MSTO1: variants seen among roughly 807,000 people sequenced by gnomAD.
MSTO1 encodes protein misato homolog 1.
MSTO1 carries 24 observed loss-of-function variants against 55.7 expected under a neutral mutation model. The ratio of observed to expected loss-of-function variants is 0.43; its 90% confidence interval spans 0.31 to 0.61. The LOEUF (loss-of-function observed/expected upper bound fraction) is 0.61. Ranked by LOEUF, MSTO1 falls within the 20% of genes least tolerant of loss-of-function variation. The pLI, the probability that MSTO1 is intolerant of heterozygous loss-of-function variation, is 0.09. For missense variants in MSTO1, 363 were observed against 625.7 expected, an observed-to-expected ratio of 0.58 and a Z score of 4.48; for synonymous variants, 162 against 252.8, an observed-to-expected ratio of 0.64 and a Z score of 3.41.
chr1:155,598,869 T>G, the MSTO1 span: 1 of 1,453,954 alleles, frequency 6.9e-7, no homozygotes, highest in Non-Finnish European at 9.6e-7. Flanking sequence ...GCCATGTTAT[T>G]CATTTCTGTG....
chr1:155,587,017 G>A, the MSTO1 span, among the ~76,000 whole-genome samples: 2 of 152,152 alleles, frequency 1.3e-5, no homozygotes, highest in Non-Finnish European at 2.9e-5. Context: ...CAAAGTGCTG[G>A]GATTACAAGC....
At chr1:155,590,718 G>A in the MSTO1 span, 80 of 1,574,210 alleles carry the variant, frequency 5.1e-5, no homozygotes, top group South Asian at 7.9e-4. Context: ...GGCAAGTGCA[G>A]CACAGCAGCC....
the MSTO1 span, among the ~76,000 whole-genome samples, chr1:155,567,843 T>C: frequency 6.7e-6 from 1 of 149,380 alleles, no homozygotes; most frequent in Non-Finnish European, 1.5e-5. Flanking sequence ...GAGACCAGCC[T>C]GGCCAACATG....
At chr1:155,583,409 G>A in the MSTO1 span, among the ~76,000 whole-genome samples, 4 of 151,730 alleles carry the variant, frequency 2.6e-5, no homozygotes, top group African/African-American at 7.3e-5. Context: ...GTGGTTGCAC[G>A]TGCCTGTAGT....
chr1:155,594,055 T>G, the MSTO1 span, among the ~76,000 whole-genome samples: 25 of 151,996 alleles, frequency 1.6e-4, no homozygotes, highest in African/African-American at 5.5e-4. Context: ...CTGGCAAATT[T>G]TCACTGAGGA....
the MSTO1 span, among the ~76,000 whole-genome samples, chr1:155,592,474 A>G: frequency 6.6e-6 from 1 of 152,104 alleles, no homozygotes. Flanking sequence ...ATATTTGGAT[A>G]TTTCCCAAGC....
chr1:155,609,125 C>T (rs976515890), upstream of MSTO1, among the ~76,000 whole-genome samples: 3 of 150,748 alleles, frequency 2.0e-5, no homozygotes, highest in African/African-American at 7.3e-5. Context: ...CCGCACCCGG[C>T]CCTTGCCTTG....
chr1:155,592,733 T>C, the MSTO1 span, among the ~76,000 whole-genome samples: 1 of 152,074 alleles, frequency 6.6e-6, no homozygotes, highest in South Asian at 2.1e-4. Flanking sequence ...TTTTGTACTT[T>C]TAGTAGAGAC....
the MSTO1 span, among the ~76,000 whole-genome samples, chr1:155,567,785 C>G: frequency 6.6e-6 from 1 of 151,366 alleles, no homozygotes; most frequent in Non-Finnish European, 1.5e-5. Flanking sequence ...CCTGTAACCC[C>G]ACACTTTGGG....
At chr1:155,606,295 G>A (rs949912870), upstream of MSTO1, among the ~76,000 whole-genome samples, 28 of 135,422 alleles carry the variant, frequency 2.1e-4, no homozygotes, top group African/African-American at 8.2e-4. Context: ...CTGGCCTTAA[G>A]TGATCCGCCT....
At chr1:155,577,928 A>G in the MSTO1 span, among the ~76,000 whole-genome samples, 1 of 152,100 alleles carries the variant, frequency 6.6e-6, no homozygotes, top group East Asian at 1.9e-4. Flanking sequence ...TATTTTTCGT[A>G]GAGACGGAGT....
the MSTO1 span, chr1:155,591,185 G>A: frequency 6.2e-7 from 1 of 1,612,842 alleles, no homozygotes; most frequent in Non-Finnish European, 8.5e-7. Flanking sequence ...ACATGGGCAG[G>A]ACGCAGGAGA....
the MSTO1 span, chr1:155,590,479 C>A: frequency 3.0e-5 from 15 of 502,700 alleles, no homozygotes; most frequent in Non-Finnish European, 4.5e-5. Context: ...ATTTTAAATA[C>A]CCTCAGTCAA....
At chr1:155,597,528 T>A in the MSTO1 span, among the ~76,000 whole-genome samples, 6 of 151,578 alleles carry the variant, frequency 4.0e-5, no homozygotes, top group Non-Finnish European at 7.4e-5. Context: ...TTTTTTTTTT[T>A]AGAAGAAGTC....
At chr1:155,563,543 A>G in the MSTO1 span, 1 of 456,228 alleles carries the variant, frequency 2.2e-6, no homozygotes, top group South Asian at 1.5e-5. Flanking sequence ...CGAATTTCAC[A>G]CCACTGTCCA....
chr1:155,595,136 T>TA, the MSTO1 span, among the ~76,000 whole-genome samples: 1,114 of 89,156 alleles, frequency 0.012, 9 homozygotes, highest in African/African-American at 0.024. Context: ...AGATTCTGTC[T>TA]AAAAAAAAAA....
chr1:155,570,668 T>C, the MSTO1 span, among the ~76,000 whole-genome samples: 1 of 152,210 alleles, frequency 6.6e-6, no homozygotes, highest in Non-Finnish European at 1.5e-5. Context: ...TATGGTATAT[T>C]GTTCCGTTTT....
At chr1:155,592,211 T>C in the MSTO1 span, among the ~76,000 whole-genome samples, 1 of 152,234 alleles carries the variant, frequency 6.6e-6, no homozygotes, top group Non-Finnish European at 1.5e-5. Context: ...GCTGTTCCTG[T>C]CTTTCAAAAC....
chr1:155,565,771 A>T, the MSTO1 span, among the ~76,000 whole-genome samples: 1 of 152,212 alleles, frequency 6.6e-6, no homozygotes, highest in Non-Finnish European at 1.5e-5. Context: ...CTGTTTTTTC[A>T]TGTATGCCCC....
Sources: allele counts gnomAD v4.1 joint callset (sites outside exome capture counted in the v4.1 genomes callset), GRCh38; gene constraint gnomAD v4.1.1; transcripts MANE v1.5; gene names NCBI Gene and HGNC (gene_info 2026-07-23, HGNC 2026-07-21).